The following CALN1 variants were observed in gnomAD, a reference collection of about 807,000 sequenced individuals.
The protein encoded by CALN1 is calneuron 1, also known as calcium-binding protein 8.
Under a neutral mutation model 30.6 loss-of-function variants are expected in CALN1, and 17 were observed. The observed-to-expected ratio is 0.56, with a 90% CI of 0.38 to 0.83. The LOEUF (loss-of-function observed/expected upper bound fraction) is 0.83. Among genes scored for constraint, CALN1 ranks in the 40% least tolerant of loss-of-function variants. CALN1 has a pLI of 0.00. For synonymous variants in CALN1, 156 were observed against 131.4 expected, an observed-to-expected ratio of 1.19 and a Z score of -1.28; for missense variants, 291 against 354.9, an observed-to-expected ratio of 0.82 and a Z score of 1.45.
chr7:72,233,552 C>CA lies in CALN1; in HGVS notation c.244+45133dup, dbSNP rs527440249. ...GCAACATAGTGAGACCCCATTTCTA[C>CA]AAAAAAAAACAGAAACATTAGCCAG... On this transcript the variant is annotated intron_variant, in intron 3 of 6. Transcript: ENST00000395275. 6.8e-3 allele frequency among the ~76,000 whole-genome samples: 1,013 copies of CA among 149,582 alleles called. 17 individuals carry two copies. Among genetic ancestry groups the CA allele is most frequent in the African/African-American group, 0.022 (887 of 40,672 alleles).
intron 1 of CALN1, among the ~76,000 whole-genome samples, chr7:72,411,287 G>A (rs1388609597): frequency 2.0e-5 from 3 of 152,060 alleles, no homozygotes; most frequent in Admixed American, 2.0e-4. Context: ...AGTTACTTTA[G>A]AACATAATAT....
chr7:72,102,899 C>A (rs13231587), intron 4 of CALN1, among the ~76,000 whole-genome samples: 34,515 of 151,590 alleles, frequency 0.23, 4,858 homozygotes, highest in East Asian at 0.69. Context: ...ATGGTGAAAC[C>A]CTGTCTGTAC....
intron 2 of CALN1, among the ~76,000 whole-genome samples, chr7:72,285,779 CT>C (rs1798044234): frequency 6.6e-6 from 1 of 152,148 alleles, no homozygotes; most frequent in African/African-American, 2.4e-5. Flanking sequence ...CTTAGATGGA[CT>C]TCTGAAAGAA....
chr7:72,120,775 T>G (rs1808319588), intron 3 of CALN1, among the ~76,000 whole-genome samples: 1 of 152,142 alleles, frequency 6.6e-6, no homozygotes, highest in Non-Finnish European at 1.5e-5. Context: ...AAGGCTACGC[T>G]TCAAGGAAAA....
chr7:72,183,962 T>C (rs958651492), intron 3 of CALN1, among the ~76,000 whole-genome samples: 22 of 151,938 alleles, frequency 1.4e-4, no homozygotes, highest in Admixed American at 1.4e-3. Context: ...TAGGGGGAAA[T>C]GATCATTAAA....
chr7:72,349,030 A>C (rs550959598), intron 2 of CALN1, among the ~76,000 whole-genome samples: 4 of 152,324 alleles, frequency 2.6e-5, no homozygotes, highest in South Asian at 4.1e-4. Context: ...CTAAAAAAAG[A>C]AGCAAATAAA....
At chr7:72,395,138 T>C (rs1805836068) in intron 2 of CALN1, among the ~76,000 whole-genome samples, 1 of 152,162 alleles carries the variant, frequency 6.6e-6, no homozygotes, top group Non-Finnish European at 1.5e-5. Context: ...GAGGAAAGGA[T>C]TATTCACCTT....
intron 3 of CALN1, among the ~76,000 whole-genome samples, chr7:72,109,313 G>A (rs1042883087): frequency 2.6e-5 from 4 of 152,150 alleles, no homozygotes; most frequent in African/African-American, 9.7e-5. Flanking sequence ...AAACCCTGGA[G>A]GCCTCAGTTT....
At chr7:71,836,506 C>T (rs925980893) in intron 5 of CALN1, among the ~76,000 whole-genome samples, 17 of 152,222 alleles carry the variant, frequency 1.1e-4, no homozygotes, top group South Asian at 4.2e-4. Flanking sequence ...AGCGATGAAC[C>T]GCCTTTAAGG....
At chr7:72,388,397 T>C (rs1269102962) in intron 2 of CALN1, among the ~76,000 whole-genome samples, 1 of 152,096 alleles carries the variant, frequency 6.6e-6, no homozygotes, top group Admixed American at 6.6e-5. Flanking sequence ...AAGGTACCGT[T>C]ATATCCTAAA....
rs542254081 is a variant in CALN1 at position 72,105,565 on chromosome 7, A to G, written c.388+586T>C. Among the ~76,000 whole-genome samples, 252 of 151,508 alleles carry G rather than the reference A, an allele frequency of 1.7e-3. 2 individuals are homozygous for G. Among genetic ancestry groups the G allele is most frequent in the African/African-American group, 5.9e-3 (244 of 41,248 alleles). On this transcript the variant is annotated intron_variant, in intron 4 of 6. Coordinates refer to ENST00000395275, the MANE Select transcript of CALN1 (RefSeq NM_031468.4). Reference sequence around the variant, plus strand: ...TCAATTTTTAAATAATTTCTCAACAATGTAACTTGTAGATCTGTGTGACAT... The same window carrying G: ...TCAATTTTTAAATAATTTCTCAACAGTGTAACTTGTAGATCTGTGTGACAT...
chr7:72,187,894 G>T (rs913645417), intron 3 of CALN1, among the ~76,000 whole-genome samples: 1 of 151,980 alleles, frequency 6.6e-6, no homozygotes, highest in Non-Finnish European at 1.5e-5. Flanking sequence ...TTATCCTGCA[G>T]GAAATGCAAA....
rs543053999 is a variant in CALN1 at position 71,959,622 on chromosome 7, C to T, written c.501+64035G>A. 4.8e-5 allele frequency among the ~76,000 whole-genome samples: 7 copies of T among 144,382 alleles called. No homozygotes were observed. The South Asian group carries it at 1.1e-3, about 23-fold the overall frequency. The allele number at this position is 144,382 out of a possible 152,430, so 94.7% of individuals were successfully genotyped here. A position where few individuals can be genotyped will look rare whatever the true frequency, so the allele number is the denominator to read the frequency against. On this transcript the variant is annotated intron_variant, in intron 5 of 6. Transcript: ENST00000395275. ...GGTTTTGACTTTTTTACCTTTCCAG[C>T]TTTTTTTTTTTTTTAAGTGGGGGAA... is the stretch of plus-strand genomic sequence containing the variant.
chr7:72,089,857 G>A (rs1434580673), intron 4 of CALN1, among the ~76,000 whole-genome samples: 1 of 151,986 alleles, frequency 6.6e-6, no homozygotes, highest in African/African-American at 2.4e-5. Flanking sequence ...ACCAAAAATA[G>A]GGCTACAAGG....
At chr7:71,824,617 G>A (rs1463681301) in intron 5 of CALN1, among the ~76,000 whole-genome samples, 1 of 152,046 alleles carries the variant, frequency 6.6e-6, no homozygotes, top group African/African-American at 2.4e-5. Flanking sequence ...CCAGATTTGT[G>A]AGCGAGTCCA....
chr7:72,057,106 GT>G (rs5884874), intron 4 of CALN1, among the ~76,000 whole-genome samples: 58,364 of 129,752 alleles, frequency 0.45, 12,943 homozygotes, highest in East Asian at 0.96. Flanking sequence ...AAGCCCACCT[GT>G]TTTTTAAAAA....
chr7:72,320,844 A>C (rs1800825638), intron 2 of CALN1, among the ~76,000 whole-genome samples: 1 of 151,488 alleles, frequency 6.6e-6, no homozygotes, highest in South Asian at 2.1e-4. Context: ...CAAAAAAAAA[A>C]AAAAAAAAAA....
chr7:71,949,355 C>A (rs746290381), intron 5 of CALN1, among the ~76,000 whole-genome samples: 15 of 152,074 alleles, frequency 9.9e-5, no homozygotes, highest in Non-Finnish European at 1.9e-4. Flanking sequence ...AAGGCGTATA[C>A]CAAGTAACCA....
chr7:72,172,553 C>T (rs1201452842), intron 3 of CALN1, among the ~76,000 whole-genome samples: 1 of 152,164 alleles, frequency 6.6e-6, no homozygotes, highest in African/African-American at 2.4e-5. Flanking sequence ...GCAAATTAAA[C>T]CAGTCATCTA....
Sources: gnomAD v4.1 joint callset for allele counts (sites outside exome capture counted in the v4.1 genomes callset) on GRCh38, gnomAD v4.1.1 for gene constraint, MANE v1.5 for transcripts, NCBI Gene and HGNC (gene_info 2026-07-23, HGNC 2026-07-21) for gene names.